Variants in SPANXN4 observed in about 807,000 individuals in gnomAD.
The protein encoded by SPANXN4 is SPANX family member N4.
Under a neutral mutation model 6.0 loss-of-function variants are expected in SPANXN4, and 5 were observed. The observed-to-expected ratio is 0.83, with a 90% CI of 0.44 to 1.75. SPANXN4 has a LOEUF of 1.75. Among genes scored for constraint, SPANXN4 ranks in the 40% most tolerant of loss-of-function variants. The pLI is 0.02. For synonymous variants in SPANXN4, 45 were observed against 38.0 expected (o/e 1.19, Z -0.68); for missense variants, 157 against 108.6 (o/e 1.45, Z -1.98).
At chrX:143,025,987 T>C (rs780264921) in exon 1 of SPANXN4, 10 of 1,189,748 alleles carry the variant, frequency 8.4e-6, no homozygotes, top group Non-Finnish European at 9.1e-6. Context: ...AAGATCCTAG[T>C]ACAGAAATTC....
intron 1 of SPANXN4, among the ~76,000 whole-genome samples, chrX:143,029,832 A>T (rs1932799167): frequency 9.0e-6 from 1 of 111,084 alleles, no homozygotes; most frequent in South Asian, 3.9e-4. Context: ...TGTACCTCTA[A>T]GGCCAGCAAT....
At chrX:143,036,369 A>G (rs771895119), downstream of SPANXN4, among the ~76,000 whole-genome samples, 33 of 111,088 alleles carry the variant, frequency 3.0e-4, no homozygotes, top group Non-Finnish European at 5.1e-4. Context: ...GGGGAGTATG[A>G]GAAGCCCTAT....
intron 1 of SPANXN4, among the ~76,000 whole-genome samples, chrX:143,031,136 C>A (rs1206644604): frequency 3.6e-5 from 4 of 110,654 alleles, no homozygotes; most frequent in Non-Finnish European, 7.6e-5. Context: ...ATTTACTTAA[C>A]TTTCCCACCC....
chrX:143,038,498 T>A (rs1932854119), downstream of SPANXN4, among the ~76,000 whole-genome samples: 1 of 111,753 alleles, frequency 8.9e-6, no homozygotes. Flanking sequence ...ATAGCTAACA[T>A]TTTATATGCC....
chrX:143,030,056 T>C (rs1183810451), intron 1 of SPANXN4, among the ~76,000 whole-genome samples: 2 of 105,663 alleles, frequency 1.9e-5, no homozygotes, highest in East Asian at 6.0e-4. Context: ...ATTTTTTAGT[T>C]TGTTTTTTTT....
chrX:143,030,055 T>A (rs1265016353), intron 1 of SPANXN4, among the ~76,000 whole-genome samples: 1 of 104,280 alleles, frequency 9.6e-6, no homozygotes, highest in Non-Finnish European at 2.0e-5. Context: ...CATTTTTTAG[T>A]TTGTTTTTTT....
At chrX:143,029,478 C>T (rs1056743705) in intron 1 of SPANXN4, among the ~76,000 whole-genome samples, 3 of 111,062 alleles carry the variant, frequency 2.7e-5, no homozygotes, top group African/African-American at 6.6e-5. Flanking sequence ...GTAATGGTGA[C>T]GTGGACAGCT....
chrX:143,026,265 A>C (rs1250761140), intron 1 of SPANXN4, among the ~76,000 whole-genome samples, 173 bp downstream of exon 1: 4 of 111,534 alleles, frequency 3.6e-5, no homozygotes, highest in African/African-American at 9.8e-5. Flanking sequence ...TATGGGTGGG[A>C]GAGGTTTGGG....
chrX:143,030,302 G>A (rs938040867), intron 1 of SPANXN4, among the ~76,000 whole-genome samples: 5 of 111,429 alleles, frequency 4.5e-5, no homozygotes, highest in Non-Finnish European at 9.4e-5. Flanking sequence ...GAAACGCAAG[G>A]TAAGTAACCT....
intron 1 of SPANXN4, among the ~76,000 whole-genome samples, chrX:143,028,837 G>A (rs1602656330): frequency 9.0e-6 from 1 of 111,095 alleles, no homozygotes; most frequent in Admixed American, 9.6e-5. Flanking sequence ...AAGTGCAAAG[G>A]GAACATGTCT....
downstream of SPANXN4, among the ~76,000 whole-genome samples, chrX:143,037,876 T>C (rs988229861): frequency 1.8e-5 from 2 of 111,042 alleles, no homozygotes; most frequent in East Asian, 2.8e-4. Flanking sequence ...TCTCCTTCCA[T>C]CATAATTCTA....
chrX:143,033,056 C>T (rs1019626598), intron 1 of SPANXN4, among the ~76,000 whole-genome samples: 2 of 111,475 alleles, frequency 1.8e-5, no homozygotes, highest in African/African-American at 6.5e-5. Flanking sequence ...TCTGGAGAAC[C>T]AGCAGAAATA....
At chrX:143,034,475 A>G (rs1932832958) in intron 2 of SPANXN4, 164 bp downstream of exon 2, 2 of 1,120,884 alleles carry the variant, frequency 1.8e-6, no homozygotes, top group Non-Finnish European at 2.3e-6. Flanking sequence ...TGATTCCTGG[A>G]GACAAATTTT....
downstream of SPANXN4, among the ~76,000 whole-genome samples, chrX:143,035,366 A>G (rs1932838565): frequency 1.8e-5 from 2 of 110,353 alleles, no homozygotes; most frequent in African/African-American, 6.6e-5. Context: ...TTTGTTTTCA[A>G]TGTATATATC....
chrX:143,034,462 G>A, intron 2 of SPANXN4, 151 bp downstream of exon 2: 1 of 1,117,477 alleles, frequency 8.9e-7, no homozygotes. Flanking sequence ...ACTGGGGGAG[G>A]ACTGATTCCT....
downstream of SPANXN4, among the ~76,000 whole-genome samples, chrX:143,036,548 G>A (rs942337335): frequency 5.4e-5 from 6 of 111,703 alleles, no homozygotes; most frequent in Middle Eastern, 4.6e-3. Flanking sequence ...GAATTATCGC[G>A]ACATCCTTTT....
chrX:143,028,270 G>C (rs376278893), intron 1 of SPANXN4, among the ~76,000 whole-genome samples: 2 of 110,454 alleles, frequency 1.8e-5, no homozygotes, highest in African/African-American at 6.6e-5. Context: ...AGGAGTCTGC[G>C]ATTCAGACCC....
chrX:143,027,933 G>A (rs1331760329), intron 1 of SPANXN4, among the ~76,000 whole-genome samples: 3 of 111,096 alleles, frequency 2.7e-5, no homozygotes, highest in African/African-American at 9.8e-5. Flanking sequence ...AAATTGGCAT[G>A]GGCTATCCAG....
intron 1 of SPANXN4, among the ~76,000 whole-genome samples, chrX:143,033,627 C>CT (rs776832536): frequency 9.0e-6 from 1 of 111,344 alleles, no homozygotes; most frequent in Non-Finnish European, 1.9e-5. Context: ...TGGTTTGACC[C>CT]TTTTTCCTGT....
Sources: gnomAD v4.1 joint callset for allele counts (sites outside exome capture counted in the v4.1 genomes callset) on GRCh38, gnomAD v4.1.1 for gene constraint, MANE v1.5 for transcripts, NCBI Gene and HGNC (gene_info 2026-07-23, HGNC 2026-07-21) for gene names.